Variants in PDE10A observed in about 807,000 individuals in gnomAD.
The protein encoded by PDE10A is cAMP and cAMP-inhibited cGMP 3',5'-cyclic phosphodiesterase 10A.
Under a neutral mutation model 97.7 loss-of-function variants are expected in PDE10A, and 39 were observed. The ratio of observed to expected loss-of-function variants is 0.40; its 90% confidence interval spans 0.31 to 0.52. The LOEUF is 0.52. Ranked by LOEUF, PDE10A falls within the 20% of genes least tolerant of loss-of-function variation. The pLI is 0.56. For missense variants in PDE10A, 731 were observed against 1,047.8 expected (o/e 0.70, Z 4.17); for synonymous variants, 371 against 376.8 (o/e 0.98, Z 0.18).
chr6:165,685,015 C>T (rs1223524005), intron 1 of PDE10A, among the ~76,000 whole-genome samples: 1 of 152,138 alleles, frequency 6.6e-6, no homozygotes, highest in African/African-American at 2.4e-5. Flanking sequence ...TCTGTCATTT[C>T]TGAAATTATT....
At chr6:165,912,021 A>G (rs554218390) in intron 1 of PDE10A, among the ~76,000 whole-genome samples, 18 of 150,990 alleles carry the variant, frequency 1.2e-4, no homozygotes, top group African/African-American at 3.9e-4. Flanking sequence ...CTCTCCATCT[A>G]TCTCTCTTTT....
chr6:165,770,333 GAGAA>G (rs781354358), intron 1 of PDE10A, among the ~76,000 whole-genome samples: 1 of 151,926 alleles, frequency 6.6e-6, no homozygotes, highest in Non-Finnish European at 1.5e-5. Context: ...AAGAAAGAAG[GAGAA>G]AGAAAGAAGG....
At chr6:165,656,281 C>T (rs1789960080) in intron 1 of PDE10A, among the ~76,000 whole-genome samples, 1 of 139,420 alleles carries the variant, frequency 7.2e-6, no homozygotes, top group African/African-American at 2.7e-5. Context: ...CACACACACA[C>T]ACACACACAC....
intron 18 of PDE10A, among the ~76,000 whole-genome samples, chr6:165,354,250 T>C (rs1050287318): frequency 5.3e-5 from 8 of 152,124 alleles, no homozygotes; most frequent in Non-Finnish European, 1.2e-4. Context: ...AGACCGTAAC[T>C]TAACAGAGAA....
intron 1 of PDE10A, among the ~76,000 whole-genome samples, chr6:165,911,886 G>A (rs1418248242): frequency 6.6e-6 from 1 of 152,144 alleles, no homozygotes; most frequent in Non-Finnish European, 1.5e-5. Flanking sequence ...TGAGGGCCAG[G>A]AAGTGTGCGT....
chr6:165,422,013 G>A (rs772663729), intron 10 of PDE10A, among the ~76,000 whole-genome samples: 2 of 151,988 alleles, frequency 1.3e-5, no homozygotes, highest in African/African-American at 4.8e-5. Flanking sequence ...GCAGTGAGCA[G>A]AGATTGTGCC....
intron 1 of PDE10A, among the ~76,000 whole-genome samples, chr6:165,855,004 TGAA>T (rs1780685003): frequency 1.1e-5 from 1 of 91,944 alleles, no homozygotes; most frequent in African/African-American, 3.5e-5. Context: ...AATGAATGAA[TGAA>T]TGAATGAATG....
intron 1 of PDE10A, among the ~76,000 whole-genome samples, chr6:165,882,410 T>C (rs1407441798): frequency 1.3e-5 from 2 of 152,220 alleles, no homozygotes; most frequent in Admixed American, 6.5e-5. Flanking sequence ...TTGTGTATTA[T>C]AAAACCAAGC....
At chr6:165,872,554 ACAC>A (rs1781232072) in intron 1 of PDE10A, among the ~76,000 whole-genome samples, 1 of 152,170 alleles carries the variant, frequency 6.6e-6, no homozygotes, top group Non-Finnish European at 1.5e-5. Flanking sequence ...TCCTGACCGA[ACAC>A]AATGAGTGCA....
At chr6:165,843,749 G>A (rs576243374) in intron 1 of PDE10A, among the ~76,000 whole-genome samples, 37 of 152,320 alleles carry the variant, frequency 2.4e-4, no homozygotes, top group East Asian at 9.7e-4. Context: ...GAATGTTGGC[G>A]CGACAGGTGC....
chr6:165,940,117 A>G (rs971275957), intron 1 of PDE10A: 31 of 152,376 alleles, frequency 2.0e-4, no homozygotes, highest in African/African-American at 7.0e-4. Context: ...AACTGAGCAC[A>G]TAAGCCTTGC....
intron 4 of PDE10A, among the ~76,000 whole-genome samples, chr6:165,450,006 A>G (rs1199118297): frequency 6.6e-6 from 1 of 152,246 alleles, no homozygotes; most frequent in Non-Finnish European, 1.5e-5. Flanking sequence ...TAGAAGGCAT[A>G]GTATATTACC....
intron 18 of PDE10A, among the ~76,000 whole-genome samples, chr6:165,366,843 G>A (rs1783802825): frequency 6.6e-6 from 1 of 152,174 alleles, no homozygotes; most frequent in African/African-American, 2.4e-5. Context: ...TATTTAGGAT[G>A]ATTGATGAGA....
chr6:165,814,879 T>C (rs757514206), intron 1 of PDE10A, among the ~76,000 whole-genome samples: 1 of 151,952 alleles, frequency 6.6e-6, no homozygotes, highest in Non-Finnish European at 1.5e-5. Flanking sequence ...TGCTTGTGCC[T>C]CAAGAGTCTG....
chr6:165,843,240 C>T (rs1294020817), intron 1 of PDE10A, among the ~76,000 whole-genome samples: 2 of 152,144 alleles, frequency 1.3e-5, no homozygotes, highest in African/African-American at 2.4e-5. Context: ...TGTGAAGATG[C>T]CTTATAGGCT....
chr6:165,695,379 T>C (rs1023527044), intron 1 of PDE10A, among the ~76,000 whole-genome samples: 1 of 152,216 alleles, frequency 6.6e-6, no homozygotes, highest in Non-Finnish European at 1.5e-5. Context: ...AATGCACCTC[T>C]GTTCCCTTCT....
intron 1 of PDE10A, among the ~76,000 whole-genome samples, chr6:165,818,522 GA>G (rs1257224795): frequency 2.0e-5 from 3 of 152,282 alleles, no homozygotes; most frequent in African/African-American, 7.2e-5. Context: ...GGTTTATGTA[GA>G]AAAAAATTCA....
intron 1 of PDE10A, among the ~76,000 whole-genome samples, chr6:165,717,409 A>G (rs1792050949): frequency 6.6e-6 from 1 of 152,132 alleles, no homozygotes; most frequent in African/African-American, 2.4e-5. Flanking sequence ...GACCAATATG[A>G]TGAAACCCTG....
chr6:165,661,642 G>A lies in PDE10A; in HGVS notation c.865+305C>T. On this transcript the variant is annotated intron_variant, in intron 1 of 21. Coordinates refer to ENST00000539869, the MANE Select transcript of PDE10A (RefSeq NM_001385079.1). This position sits in a 1 kb window ranked among gnomAD's most constrained non-coding sequence, Gnocchi z 4.8. ...CAAGTGTGGCCAGAAACGGCACGAG[G>A]GGCGGAGAAGGAGGCGGCAGGTCCC... 2.7e-6 allele frequency: 1 copy of A among 374,742 alleles called. No individual in the cohort carries two copies. Among genetic ancestry groups the A allele is most frequent in the Non-Finnish European group, 4.7e-6 (1 of 210,994 alleles). The allele number at this position is 374,742 out of a possible 1,614,324, so 23.2% of individuals were successfully genotyped here.
Sources: gnomAD v4.1 joint callset for allele counts (sites outside exome capture counted in the v4.1 genomes callset) on GRCh38, gnomAD v4.1.1 for gene constraint, Gnocchi (gnomAD v3.1) non-coding constraint, MANE v1.5 for transcripts, NCBI Gene and HGNC (gene_info 2026-07-23, HGNC 2026-07-21) for gene names.